The following ME1 variants were observed in gnomAD, a reference collection of about 807,000 sequenced individuals.
The protein encoded by ME1 is NADP-dependent malic enzyme.
Under a neutral mutation model 66.4 loss-of-function variants are expected in ME1, and 74 were observed. That is an observed-to-expected ratio of 1.11 (90% CI 0.92 to 1.35). ME1 has a LOEUF of 1.35. Ranked by LOEUF, ME1 falls within the 40% of genes most tolerant of loss-of-function variation. The pLI, the probability that ME1 is intolerant of heterozygous loss-of-function variation, is 0.00. For synonymous variants in ME1, 251 were observed against 235.6 expected, an observed-to-expected ratio of 1.07 and a Z score of -0.60; for missense variants, 750 against 694.1, an observed-to-expected ratio of 1.08 and a Z score of -0.90.
rs142951827 is a variant in ME1 at position 83,224,234 on chromosome 6, A to G, written c.1276-301T>C. On this transcript the variant is annotated intron_variant, in intron 11 of 13. Coordinates refer to ENST00000369705, the MANE Select transcript of ME1 (RefSeq NM_002395.6). ...GGTTCAACCGATAGGCTCATCAACC[A>G]TTTCTATATAGGCTTCCAATTATAG... Among the ~76,000 whole-genome samples, 4 of 152,314 alleles carry G rather than the reference A, an allele frequency of 2.6e-5. No homozygotes were observed. In the East Asian group the frequency reaches 7.7e-4, roughly 29 times the overall value.
At chr6:83,282,137 G>A (rs1202780938) in intron 6 of ME1, among the ~76,000 whole-genome samples, 1 of 152,012 alleles carries the variant, frequency 6.6e-6, no homozygotes, top group Non-Finnish European at 1.5e-5. Flanking sequence ...AAAGATAAAT[G>A]TAAACCTTAA....
intron 5 of ME1, among the ~76,000 whole-genome samples, chr6:83,317,434 T>C (rs932959491): frequency 7.2e-5 from 11 of 151,730 alleles, no homozygotes; most frequent in African/African-American, 2.7e-4. Flanking sequence ...CAATTGTGAA[T>C]GGGAGTTCAC....
chr6:83,344,939 TATCAC>T (rs1315025659), intron 5 of ME1, among the ~76,000 whole-genome samples: 7 of 151,684 alleles, frequency 4.6e-5, no homozygotes, highest in African/African-American at 7.2e-5. Flanking sequence ...CAATGCAACT[TATCAC>T]ATAACAATTT....
intron 5 of ME1, among the ~76,000 whole-genome samples, chr6:83,339,987 GAAAA>G (rs374563228): frequency 2.1e-4 from 29 of 139,766 alleles, no homozygotes; most frequent in Admixed American, 1.0e-3. Context: ...AAAAAGAAAA[GAAAA>G]GAAATGTGAA....
chr6:83,394,626 G>C (rs1481186985), intron 3 of ME1, among the ~76,000 whole-genome samples: 1 of 152,072 alleles, frequency 6.6e-6, no homozygotes, highest in Admixed American at 6.6e-5. Context: ...ATTGCTTTCC[G>C]ATAATACCTC....
In ME1 at chr6:83,346,204, G is replaced by A. The variant is rs1768682803; in HGVS notation, c.569C>T (p.Pro190Leu). The A allele has an allele frequency of 6.2e-7, 1 of 1,609,824 alleles. No individual in the cohort carries two copies. Among genetic ancestry groups the A allele is most frequent in the African/African-American group, 1.3e-5 (1 of 74,890 alleles). Reference protein sequence around the residue: ...CGGMNPQECLPVILDVGTENE... With the variant: ...CGGMNPQECLLVILDVGTENE... The stretch of plus-strand genomic sequence containing the variant: ...TTCGGTTCCCACATCCAGAATGACA[G>A]GCAGACATTCTTGAGGATTCATCCC... Residue 190 changes from proline (P) to leucine (L), a missense_variant, in exon 5 of 14, where the codon CCT becomes CTT. Transcript: ENST00000369705.
intron 3 of ME1, among the ~76,000 whole-genome samples, chr6:83,359,150 T>TCTTCACA: frequency 6.6e-6 from 1 of 151,696 alleles, no homozygotes; most frequent in African/African-American, 2.4e-5. Context: ...CACTCCTCAC[T>TCTTCACA]TCCCAGACAG....
At chr6:83,332,412 C>T (rs1216951218) in intron 5 of ME1, among the ~76,000 whole-genome samples, 4 of 152,140 alleles carry the variant, frequency 2.6e-5, no homozygotes, top group African/African-American at 7.2e-5. Context: ...TGGGTATCCA[C>T]CCAAAGGAAA....
In ME1 at chr6:83,407,823, T is replaced by C. The variant is rs771139453; in HGVS notation, c.157A>G (p.Ile53Val). 1.2e-6 allele frequency: 2 copies of C among 1,613,146 alleles called. No homozygotes were observed. Among genetic ancestry groups the C allele is most frequent in the Non-Finnish European group, 1.7e-6 (2 of 1,179,760 alleles). Residue 53 changes from isoleucine to valine, a missense_variant, in exon 2 of 14, where the codon ATC (isoleucine) becomes GTC (valine). Transcript: ENST00000369705. Reference sequence around the variant, plus strand: ...TTTTTTACTACTCTAAGAACCTGGATCTCCTGACTGTTGAAGGAAGGTGGC... The same window carrying C: ...TTTTTTACTACTCTAAGAACCTGGACCTCCTGACTGTTGAAGGAAGGTGGC... ...LLPPSFNSQE[I>V]QVLRVVKNFE...
At chr6:83,342,050 A>ATG (rs1768595584) in intron 5 of ME1, among the ~76,000 whole-genome samples, 1 of 152,098 alleles carries the variant, frequency 6.6e-6, no homozygotes, top group Non-Finnish European at 1.5e-5. Flanking sequence ...AACCAATCAG[A>ATG]TGTTTGCTAG....
At position 83,216,508 on chromosome 6, in the gene ME1, A is replaced by G; in HGVS notation, c.1538T>C (p.Ile513Thr). ...LNTIRDVSLKIAEKIVKDAYQ... is the reference protein window; with the variant it reads ...LNTIRDVSLKTAEKIVKDAYQ... ...CAAGAGTGGTTTTACCTTTTCTGCA[A>G]TTTTCAGAGAAACATCTCTAATGGT... The change falls in exon 13 of 14, where the codon ATT becomes ACT. Residue 513 changes from isoleucine (I) to threonine (T), a missense_variant. Transcript: ENST00000369705. The G allele has an allele frequency of 5.6e-6, 9 of 1,602,820 alleles. No homozygotes were observed. Among genetic ancestry groups the G allele is most frequent in the Non-Finnish European group, 6.8e-6 (8 of 1,176,280 alleles).
At chr6:83,349,222 T>C (rs1405334834) in intron 4 of ME1, among the ~76,000 whole-genome samples, 1 of 152,064 alleles carries the variant, frequency 6.6e-6, no homozygotes, top group African/African-American at 2.4e-5. Context: ...AATACTTCCA[T>C]ATAAAAGAGT....
At chr6:83,409,082 A>G (rs1271819039) in intron 1 of ME1, among the ~76,000 whole-genome samples, 1 of 152,184 alleles carries the variant, frequency 6.6e-6, no homozygotes, top group Admixed American at 6.5e-5. Context: ...ATGTGAGGAC[A>G]CAGCAAGAAG....
chr6:83,366,785 T>C (rs1769108734), intron 3 of ME1, among the ~76,000 whole-genome samples: 1 of 152,190 alleles, frequency 6.6e-6, no homozygotes, highest in Non-Finnish European at 1.5e-5. Flanking sequence ...CACCGAAGTC[T>C]TGGATCCCTC....
chr6:83,253,003 G>A (rs1010598417), intron 7 of ME1, among the ~76,000 whole-genome samples: 1 of 152,128 alleles, frequency 6.6e-6, no homozygotes, highest in African/African-American at 2.4e-5. Flanking sequence ...ATTTCAAGTT[G>A]CAAAACCTCT....
At chr6:83,393,846 C>G (rs1485443197) in intron 3 of ME1, among the ~76,000 whole-genome samples, 1 of 151,920 alleles carries the variant, frequency 6.6e-6, no homozygotes, top group Admixed American at 6.6e-5. Context: ...CCAGAGAAGA[C>G]AGTAAGGCAA....
intron 3 of ME1, among the ~76,000 whole-genome samples, chr6:83,394,971 A>C (rs1769701588): frequency 6.6e-6 from 1 of 152,206 alleles, no homozygotes; most frequent in Non-Finnish European, 1.5e-5. Context: ...TTTAGAAAGT[A>C]ATATTCTCAT....
chr6:83,224,337 G>A (rs933548797), intron 11 of ME1, among the ~76,000 whole-genome samples: 12 of 152,142 alleles, frequency 7.9e-5, no homozygotes, highest in Non-Finnish European at 1.3e-4. Flanking sequence ...TTTAGGAATC[G>A]ACACATTTCC....
chr6:83,376,970 G>A (rs997941614), intron 3 of ME1, among the ~76,000 whole-genome samples: 8 of 152,050 alleles, frequency 5.3e-5, no homozygotes, highest in Non-Finnish European at 1.0e-4. Flanking sequence ...ATACATCAAG[G>A]AATGAAATCT....
Sources: gnomAD v4.1 joint callset for allele counts (sites outside exome capture counted in the v4.1 genomes callset) on GRCh38, gnomAD v4.1.1 for gene constraint, MANE v1.5 for transcripts, NCBI Gene and HGNC (gene_info 2026-07-23, HGNC 2026-07-21) for gene names.